KRT73: variants seen among roughly 807,000 people sequenced by gnomAD.
The protein encoded by KRT73 is keratin, type II cytoskeletal 73.
A neutral mutation model predicts 47.2 loss-of-function variants in KRT73; 44 were observed. The ratio of observed to expected loss-of-function variants is 0.93; its 90% CI spans 0.73 to 1.20. KRT73 has a LOEUF of 1.20. KRT73 is among the 50% of genes most tolerant of loss of function. KRT73 has a pLI of 0.00. For synonymous variants in KRT73, 285 were observed against 291.3 expected, an observed-to-expected ratio of 0.98 and a Z score of 0.22; for missense variants, 713 against 704.5, an observed-to-expected ratio of 1.01 and a Z score of -0.14.
In KRT73 at chr12:52,616,217, A is replaced by G. The variant is rs754191533; in HGVS notation, c.611T>C (p.Leu204Pro). 6.2e-7 allele frequency: 1 copy of G among 1,614,138 alleles called. No individual in the cohort carries two copies. The highest frequency in any genetic ancestry group is 8.5e-7 in the Non-Finnish European group (1 of 1,180,016). ...GCGCACGCTCCTCAGCTCCGAGTCC[A>G]GCCTCACCCTGTCCCCAGACAGCGT... ...LETLSGDRVRLDSELRSVREV... is the reference protein window; with the variant it reads ...LETLSGDRVRPDSELRSVREV... The change falls in exon 2 of 9, where the codon CTG becomes CCG. Residue 204 changes from leucine to proline, a missense_variant. Physicochemically the swap from Leu to Pro is moderately conservative, Grantham distance 98. Transcript: ENST00000305748.
intron 7 of KRT73, chr12:52,609,862 G>A (rs375735736): frequency 6.5e-6 from 1 of 153,042 alleles, no homozygotes; most frequent in Admixed American, 6.5e-5. Flanking sequence ...TATCACCAGG[G>A]TAAATAGAAA....
intron 8 of KRT73, 58 bp from the exon 9 acceptor site, chr12:52,608,510 A>T: frequency 6.8e-7 from 1 of 1,473,698 alleles, no homozygotes. Flanking sequence ...GGTGGCCTTA[A>T]GTCCCCCTCC....
At chr12:52,615,741 AG>A (rs2120875247) in intron 2 of KRT73, among the ~76,000 whole-genome samples, 1 of 152,292 alleles carries the variant, frequency 6.6e-6, no homozygotes, top group South Asian at 2.1e-4. Flanking sequence ...ACTATCTCCC[AG>A]GGGAGAAAGA....
upstream of KRT73, among the ~76,000 whole-genome samples, chr12:52,619,888 C>T (rs647240): frequency 0.068 from 10,399 of 152,036 alleles, 816 homozygotes; most frequent in Admixed American, 0.16. Flanking sequence ...GAACAGTTGG[C>T]CCATCCTTCT....
rs1249741093 is a variant in KRT73 at position 52,608,377 on chromosome 12, C to T, written c.1442G>A (p.Gly481Asp). ...CCCGCTGACAGAGCTGGGCCAGTAG[C>T]CGTAGGTGCCAGCATTGCTGAATCC... ...GFGFSNAGTYGYWPSSVSGGY... is the reference protein window; with the variant it reads ...GFGFSNAGTYDYWPSSVSGGY... Residue 481 changes from glycine (G) to aspartate (D), a missense_variant, in exon 9 of 9, where the codon GGC becomes GAC. Physicochemically the swap from Gly to Asp is moderately conservative, Grantham distance 94 (BLOSUM62 -1). Coordinates refer to ENST00000305748, the MANE Select transcript of KRT73 (RefSeq NM_175068.3). 1.2e-6 allele frequency: 2 copies of T among 1,613,128 alleles called. No individual in the cohort carries two copies. The highest frequency in any genetic ancestry group is 1.3e-5 in the African/African-American group (1 of 74,904).
In KRT73 at chr12:52,610,691, C is replaced by G. The variant is rs1356853633; in HGVS notation, c.1255G>C (p.Glu419Gln). The stretch of plus-strand genomic sequence containing the variant: ...AGGGACAGCTTCACGCTCAAAAGCT[C>G]TTGGTACTCGCGCAGCATCCGTGCC... ...ELARMLREYQ[E>Q]LLSVKLSLDI... Residue 419 changes from glutamate to glutamine, a missense_variant, in exon 7 of 9, where the codon GAG becomes CAG. Transcript: ENST00000305748. 2.5e-6 allele frequency: 4 copies of G among 1,613,994 alleles called. No individual in the cohort carries two copies. The Admixed American group carries it at 5.0e-5, about 20-fold the overall frequency.
chr12:52,614,770 T>G, intron 3 of KRT73, 96 bp from the exon 4 acceptor site: 3 of 915,984 alleles, frequency 3.3e-6, no homozygotes, highest in Non-Finnish European at 4.9e-6. Context: ...CCTAGCTAGC[T>G]GCCCAGGACT....
intron 7 of KRT73, among the ~76,000 whole-genome samples, chr12:52,609,503 AC>A (rs969934961): frequency 6.6e-6 from 1 of 151,744 alleles, no homozygotes; most frequent in African/African-American, 2.4e-5. Context: ...CAACTTTGGA[AC>A]CCCCAACAAC....
In KRT73 at chr12:52,608,075, T is replaced by A. The variant is rs757043010; in HGVS notation, c.*121A>T. The A allele has an allele frequency of 1.9e-6, 2 of 1,060,382 alleles. No homozygotes were observed. The highest frequency in any genetic ancestry group is 2.7e-6 in the Non-Finnish European group (2 of 731,714). 65.7% of individuals were successfully genotyped at this position (1,060,382 alleles called of 1,614,324 possible). A position where few individuals can be genotyped will look rare whatever the true frequency, so the allele number is the denominator to read the frequency against. ...AGAGGTCAAGGAGAAGGAGGAGAGG[T>A]CCACAGCAAAGCAAAGCAAGAAGGA... is the stretch of plus-strand genomic sequence containing the variant. On this transcript the variant is annotated 3_prime_UTR_variant, in exon 9 of 9. Coordinates refer to ENST00000305748, the MANE Select transcript of KRT73 (RefSeq NM_175068.3).
intron 3 of KRT73, 188 bp downstream of exon 3, chr12:52,615,091 A>T: frequency 1.8e-6 from 1 of 555,400 alleles, no homozygotes; most frequent in Admixed American, 3.1e-5. Flanking sequence ...TCCTGTCCAC[A>T]GACAAAGTAC....
At chr12:52,613,643 C>A in intron 5 of KRT73, 45 bp downstream of exon 5, 2 of 1,607,100 alleles carry the variant, frequency 1.2e-6, no homozygotes, top group Non-Finnish European at 1.7e-6. Context: ...GAGTCTGGAG[C>A]AGAGGGCCCT....
intron 2 of KRT73, 37 bp from the exon 3 acceptor site, chr12:52,615,376 C>CTG (rs376743857): frequency 1.5e-5 from 23 of 1,547,168 alleles, no homozygotes; most frequent in East Asian, 9.0e-5. Flanking sequence ...GAGTGTGTGT[C>CTG]TGTGTGTGTG....
intron 1 of KRT73, among the ~76,000 whole-genome samples, chr12:52,617,551 T>A (rs1375346869): frequency 6.6e-6 from 1 of 151,988 alleles, no homozygotes; most frequent in Non-Finnish European, 1.5e-5. Flanking sequence ...ACGGACTGAG[T>A]CTGAGCTTTC....
chr12:52,623,553 T>C (rs1040176940), upstream of KRT73, among the ~76,000 whole-genome samples: 3 of 152,178 alleles, frequency 2.0e-5, no homozygotes, highest in African/African-American at 7.2e-5. Flanking sequence ...AACATGATAA[T>C]TTTTAAAAAA....
chr12:52,624,438 C>A, the KRT73 span, among the ~76,000 whole-genome samples: 1 of 152,004 alleles, frequency 6.6e-6, no homozygotes, highest in East Asian at 1.9e-4. Flanking sequence ...AAACATTCTA[C>A]CTAACAAAAG....
At chr12:52,612,001 C>T (rs1440861323) in intron 5 of KRT73, among the ~76,000 whole-genome samples, 1 of 152,194 alleles carries the variant, frequency 6.6e-6, no homozygotes, top group Non-Finnish European at 1.5e-5. Context: ...TCCATCCGAC[C>T]CAGAATGAAT....
chr12:52,610,403 G>A, intron 7 of KRT73: 2 of 589,240 alleles, frequency 3.4e-6, no homozygotes, highest in South Asian at 3.9e-5. Context: ...AGACACAACA[G>A]CACCCAGCTA....
At chr12:52,608,991 G>A (rs1475144686) in intron 8 of KRT73, among the ~76,000 whole-genome samples, 1 of 152,160 alleles carries the variant, frequency 6.6e-6, no homozygotes, top group Admixed American at 6.5e-5. Context: ...GGGGCTGAGA[G>A]TTTCACCACA....
upstream of KRT73, among the ~76,000 whole-genome samples, chr12:52,620,115 T>C (rs570429680): frequency 3.0e-4 from 43 of 144,056 alleles, no homozygotes; most frequent in South Asian, 4.6e-4. Flanking sequence ...TTTTCTTTTT[T>C]TTTTTTTTTT....
Sources: allele counts gnomAD v4.1 joint callset (sites outside exome capture counted in the v4.1 genomes callset), GRCh38; gene constraint gnomAD v4.1.1; transcripts MANE v1.5; gene names NCBI Gene and HGNC (gene_info 2026-07-23, HGNC 2026-07-21).